Variants in NT5DC4 observed in about 807,000 individuals in gnomAD.
The protein encoded by NT5DC4 is 5'-nucleotidase domain-containing protein 4.
A neutral mutation model predicts 26.6 loss-of-function variants in NT5DC4; 44 were observed. The observed-to-expected ratio is 1.65, with a 90% confidence interval of 1.30 to 2.13. The LOEUF (loss-of-function observed/expected upper bound fraction) is 2.13. NT5DC4 is among the 30% of genes most tolerant of loss of function. The pLI, the probability that NT5DC4 is intolerant of heterozygous loss-of-function variation, is 0.00. For synonymous variants in NT5DC4, 157 were observed against 86.7 expected, an observed-to-expected ratio of 1.81 and a Z score of -4.51; for missense variants, 399 against 228.1, an observed-to-expected ratio of 1.75 and a Z score of -4.83.
upstream of NT5DC4, among the ~76,000 whole-genome samples, chr2:112,720,209 G>T (rs1031957934): frequency 7.2e-5 from 7 of 97,094 alleles, no homozygotes; most frequent in Non-Finnish European, 4.2e-5. Flanking sequence ...CCTGCCTCAG[G>T]CTCCCAAGAG....
intron 11 of NT5DC4, 74 bp downstream of exon 11, chr2:112,724,980 A>T: frequency 5.8e-6 from 4 of 694,518 alleles, no homozygotes; most frequent in Non-Finnish European, 1.1e-5. Flanking sequence ...ACCTGCCTTT[A>T]TAGCTGGCAG....
chr2:112,723,828 C>T, intron 9 of NT5DC4, 26 bp downstream of exon 9: 1 of 716,380 alleles, frequency 1.4e-6, no homozygotes, highest in Non-Finnish European at 2.6e-6. Flanking sequence ...GAGGGGTGGA[C>T]CGTCGGCCTC....
At chr2:112,737,493 A>G (rs761166402) in intron 16 of NT5DC4, 2 of 152,156 alleles carry the variant, frequency 1.3e-5, no homozygotes, top group South Asian at 4.1e-4. Context: ...ACACCTTTTC[A>G]TATCTATACC....
chr2:112,719,958 CTTTCTTTCTT>C (rs1465140102), upstream of NT5DC4, among the ~76,000 whole-genome samples: 1 of 117,678 alleles, frequency 8.5e-6, no homozygotes, highest in Non-Finnish European at 1.7e-5. Context: ...TTCTTTCTTT[CTTTCTTTCTT>C]TCTTTCTTTC....
At position 112,721,836 on chromosome 2, in the gene NT5DC4, C is replaced by A; in HGVS notation, c.93C>A (p.Ser31Arg). The change falls in exon 2 of 17, where the codon AGC (serine) becomes AGA (arginine). Residue 31 changes from serine (S) to arginine (R), a missense_variant. Physicochemically the swap from Ser to Arg is moderately radical, Grantham distance 110. Transcript: ENST00000688554. ...TCCCCAGGATTTTTGTCAACCGCAG[C>A]CTGGCGCTGGGGAAGATTCGTTGCT... The part of the protein sequence containing the change: ...DWHQRIFVNR[S>R]LALGKIRCFG... 2 of 717,350 alleles carry A rather than the reference C, an allele frequency of 2.8e-6. No homozygotes were observed. Among genetic ancestry groups the A allele is most frequent in the Non-Finnish European group, 5.2e-6 (2 of 385,096 alleles). 44.4% of individuals were successfully genotyped at this position (717,350 alleles called of 1,614,324 possible).
At chr2:112,724,605 T>G (rs900989317) in intron 10 of NT5DC4, 176 bp from the exon 11 acceptor site, 3 of 608,752 alleles carry the variant, frequency 4.9e-6, no homozygotes, top group African/African-American at 1.8e-5. Context: ...TTTGAGCACT[T>G]CCTAGTGCCC....
chr2:112,726,723 C>T lies in NT5DC4; in HGVS notation c.1251C>T (p.Thr417=), dbSNP rs1558733364. The T allele has an allele frequency of 1.4e-6, 1 of 717,534 alleles. No homozygotes were observed. The highest frequency in any genetic ancestry group is 2.6e-6 in the Non-Finnish European group (1 of 385,104). 44.4% of individuals were successfully genotyped at this position (717,534 alleles called of 1,614,324 possible). A position where few individuals can be genotyped will look rare whatever the true frequency, so the allele number is the denominator to read the frequency against. ...GTGAGCTGCAAGTCATCAACTTCAC[C>T]AAGAGAGAGATCCAGGTGGGAGCTG... ...SSCELQVINF[T]KREIQMPHES... The change falls in exon 15 of 17, where the codon ACC becomes ACT. Residue 417 remains threonine (T), a synonymous_variant. Coordinates refer to ENST00000688554, the MANE Select transcript of NT5DC4 (RefSeq NM_001393655.1).
upstream of NT5DC4, among the ~76,000 whole-genome samples, chr2:112,719,217 G>T (rs114330361): frequency 2.8e-4 from 43 of 152,306 alleles, no homozygotes; most frequent in South Asian, 1.9e-3. Flanking sequence ...TGGCGATGAG[G>T]TCACTAAGCC....
upstream of NT5DC4, among the ~76,000 whole-genome samples, chr2:112,719,223 A>G (rs1408724059): frequency 6.6e-6 from 1 of 152,172 alleles, no homozygotes; most frequent in Non-Finnish European, 1.5e-5. Flanking sequence ...TGAGGTCACT[A>G]AGCCATAGGA....
upstream of NT5DC4, among the ~76,000 whole-genome samples, chr2:112,719,934 CTTTCTT>C (rs1553430208): frequency 4.5e-5 from 3 of 65,950 alleles, no homozygotes; most frequent in African/African-American, 6.7e-5. Context: ...CTCTTTCTTT[CTTTCTT>C]TCTTTCTTTC....
upstream of NT5DC4, among the ~76,000 whole-genome samples, chr2:112,719,722 G>A (rs1676641836): frequency 6.6e-6 from 1 of 151,848 alleles, no homozygotes; most frequent in South Asian, 2.1e-4. Flanking sequence ...CCGACCTAGT[G>A]ATCTGCCCGC....
At chr2:112,742,174 T>C (rs760706575), downstream of NT5DC4, among the ~76,000 whole-genome samples, 2 of 152,202 alleles carry the variant, frequency 1.3e-5, no homozygotes, top group African/African-American at 4.8e-5. Flanking sequence ...TAGCTTGTTT[T>C]TTCTTTCCAT....
At chr2:112,719,938 C>CTTTCTTTT (rs1558714930), upstream of NT5DC4, among the ~76,000 whole-genome samples, 103 of 83,678 alleles carry the variant, frequency 1.2e-3, no homozygotes, top group African/African-American at 4.8e-3. Context: ...TTCTTTCTTT[C>CTTTCTTTT]TTTCTTTCTT....
chr2:112,728,405 G>T (rs1241806954), intron 15 of NT5DC4, among the ~76,000 whole-genome samples: 1 of 152,164 alleles, frequency 6.6e-6, no homozygotes, highest in East Asian at 1.9e-4. Flanking sequence ...ATGCTTCTGG[G>T]TTAAAAACAG....
chr2:112,726,768 G>A, intron 15 of NT5DC4, 30 bp downstream of exon 15: 1 of 717,392 alleles, frequency 1.4e-6, no homozygotes, highest in South Asian at 1.5e-5. Flanking sequence ...GGAAGGGACA[G>A]GCCCAGCAGG....
At chr2:112,719,438 AT>A (rs1049266228), upstream of NT5DC4, among the ~76,000 whole-genome samples, 1 of 144,318 alleles carries the variant, frequency 6.9e-6, no homozygotes, top group African/African-American at 2.5e-5. Flanking sequence ...TAGTTTAGCC[AT>A]TTTAGAGAGA....
chr2:112,737,010 T>G (rs1679296073), intron 16 of NT5DC4: 1 of 152,056 alleles, frequency 6.6e-6, no homozygotes, highest in Non-Finnish European at 1.5e-5. Context: ...CACTGCAACC[T>G]CCACCTCCCG....
At position 112,723,785 on chromosome 2, in the gene NT5DC4, A is replaced by G; in HGVS notation, c.739A>G (p.Ser247Gly). The G allele has an allele frequency of 1.4e-6, 1 of 717,108 alleles. No homozygotes were observed. The highest frequency in any genetic ancestry group is 2.6e-6 in the Non-Finnish European group (1 of 384,998). The allele number at this position is 717,108 out of a possible 1,614,324, so 44.4% of individuals were successfully genotyped here. The change falls in exon 9 of 17, where the codon AGC becomes GGC. Residue 247 changes from serine to glycine, a missense_variant. Coordinates refer to ENST00000688554, the MANE Select transcript of NT5DC4 (RefSeq NM_001393655.1). ...GAAAGTGTTTCTGGCCACCAACAGC[A>G]GCTACAACTACACCAATGTGAGTAT... is the stretch of plus-strand genomic sequence containing the variant. ...VGKVFLATNSSYNYTNAIMTY... is the reference protein window; with the variant it reads ...VGKVFLATNSGYNYTNAIMTY...
chr2:112,736,961 C>CTGTA (rs1679285938), intron 16 of NT5DC4: 1 of 151,512 alleles, frequency 6.6e-6, no homozygotes, highest in South Asian at 2.1e-4. Flanking sequence ...GAGTCTTGCT[C>CTGTA]TGTAACCCAG....
Sources: gnomAD v4.1 joint callset for allele counts (sites outside exome capture counted in the v4.1 genomes callset) on GRCh38, gnomAD v4.1.1 for gene constraint, MANE v1.5 for transcripts, NCBI Gene and HGNC (gene_info 2026-07-23, HGNC 2026-07-21) for gene names.